Variants in RIMS1 observed in about 807,000 individuals in gnomAD.
The protein encoded by RIMS1 is regulating synaptic membrane exocytosis protein 1.
In RIMS1, 83 loss-of-function variants were observed where a neutral mutation model predicts 214.1. That is an observed-to-expected ratio of 0.39 (90% CI 0.32 to 0.47). The LOEUF is 0.47. Ranked by LOEUF, RIMS1 falls within the 20% of genes least tolerant of loss-of-function variation. The pLI, the probability that RIMS1 is intolerant of heterozygous loss-of-function variation, is 0.99. For synonymous variants in RIMS1, 793 were observed against 786.8 expected, an observed-to-expected ratio of 1.01 and a Z score of -0.13; for missense variants, 2,050 against 2,161.8, an observed-to-expected ratio of 0.95 and a Z score of 1.03.
chr6:71,927,934 T>G (rs1781995950), intron 1 of RIMS1, among the ~76,000 whole-genome samples: 1 of 152,178 alleles, frequency 6.6e-6, no homozygotes, highest in African/African-American at 2.4e-5. Flanking sequence ...ATTTTATGGT[T>G]GAAATCATGG....
intron 1 of RIMS1, among the ~76,000 whole-genome samples, chr6:71,938,735 C>A (rs1228163573): frequency 6.6e-6 from 1 of 152,172 alleles, no homozygotes; most frequent in African/African-American, 2.4e-5. Context: ...ATGGGAGGGG[C>A]AACCTTGAAT....
intron 7 of RIMS1, among the ~76,000 whole-genome samples, chr6:72,235,258 A>G (rs529919840): frequency 6.6e-6 from 1 of 151,998 alleles, no homozygotes; most frequent in African/African-American, 2.4e-5. Context: ...ATTATTAACT[A>G]TAGTCATCCT....
intron 16 of RIMS1, among the ~76,000 whole-genome samples, chr6:72,257,364 A>T (rs1486483724): frequency 6.6e-6 from 1 of 152,104 alleles, no homozygotes; most frequent in Non-Finnish European, 1.5e-5. Flanking sequence ...CTTCAGGGAA[A>T]AAGTGACTGT....
At chr6:72,347,257 G>T (rs2097297118) in intron 29 of RIMS1, among the ~76,000 whole-genome samples, 1 of 151,828 alleles carries the variant, frequency 6.6e-6, no homozygotes, top group African/African-American at 2.4e-5. Context: ...AATTTTCCCA[G>T]TTGGGGGCTC....
intron 2 of RIMS1, among the ~76,000 whole-genome samples, chr6:72,046,085 A>G (rs1007291075): frequency 1.3e-5 from 2 of 152,136 alleles, no homozygotes; most frequent in African/African-American, 4.8e-5. Context: ...ATTTTGCTTC[A>G]CAGATAAGTG....
chr6:72,187,731 A>G lies in RIMS1; in HGVS notation c.1678+4582A>G, dbSNP rs532338387. ...ATGGTCTTGATCTCCTGACCTCGTG[A>G]TCCGCCCACCTCGGCCTCCCAAAGT... On this transcript the variant is annotated intron_variant, in intron 6 of 33. Transcript: ENST00000521978. 2.0e-5 allele frequency among the ~76,000 whole-genome samples: 3 copies of G among 152,158 alleles called. No homozygotes were observed. The East Asian group carries it at 5.8e-4, about 29-fold the overall frequency.
At chr6:71,945,836 G>A (rs1184820212) in intron 1 of RIMS1, among the ~76,000 whole-genome samples, 2 of 149,640 alleles carry the variant, frequency 1.3e-5, no homozygotes, top group East Asian at 2.0e-4. Context: ...TGCAACCTCC[G>A]CTTCCTGGGT....
At position 72,155,555 on chromosome 6, in the gene RIMS1, A is replaced by C. The variant is rs1271291718; in HGVS notation, c.472-24020A>C. Among the ~76,000 whole-genome samples the C allele has an allele frequency of 3.5e-5, 5 of 141,386 alleles. 1 individual carries two copies. The Admixed American group carries it at 3.6e-4, about 10-fold the overall frequency. 92.8% of individuals were successfully genotyped at this position (141,386 alleles called of 152,430 possible). A position where few individuals can be genotyped will look rare whatever the true frequency, so the allele number is the denominator to read the frequency against. On this transcript the variant is annotated intron_variant, in intron 4 of 33. Coordinates refer to ENST00000521978, the MANE Select transcript of RIMS1 (RefSeq NM_014989.7). Reference sequence around the variant, plus strand: ...GCAATTTACAAAAGAAGGAGGTTTAATTGGACTTACAGTTCCACATGGCTG... The same window carrying C: ...GCAATTTACAAAAGAAGGAGGTTTACTTGGACTTACAGTTCCACATGGCTG...
intron 4 of RIMS1, among the ~76,000 whole-genome samples, chr6:72,158,935 A>T (rs1320383043): frequency 7.1e-6 from 1 of 140,422 alleles, no homozygotes; most frequent in African/African-American, 2.5e-5. Flanking sequence ...TGGCTGGGTC[A>T]AATGGTATTT....
chr6:72,077,892 C>T (rs921808275), intron 2 of RIMS1, among the ~76,000 whole-genome samples: 7 of 152,232 alleles, frequency 4.6e-5, no homozygotes, highest in South Asian at 2.1e-4. Flanking sequence ...GGACATTCGA[C>T]GAAACCCTTT....
rs2098810863 is a variant in RIMS1 at position 72,399,056 on chromosome 6, C to T, written c.4822C>T (p.Leu1608=). 1.2e-6 allele frequency: 2 copies of T among 1,608,516 alleles called. No individual in the cohort carries two copies. The highest frequency in any genetic ancestry group is 3.3e-5 in the Admixed American group (2 of 59,818). ...KTLDPLYQQS[L]VFDESPQGKV... is the part of the protein sequence containing the mutation. The stretch of plus-strand genomic sequence containing the variant: ...CCTTGATCCTTTGTATCAGCAGTCT[C>T]TGGTTTTTGATGAAAGTCCACAGGG... The change falls in exon 33 of 34, where the codon CTG becomes TTG. Residue 1608 remains leucine (L), a synonymous_variant. Transcript: ENST00000521978.
chr6:71,913,401 AT>A (rs1429100750), intron 1 of RIMS1, among the ~76,000 whole-genome samples: 2 of 152,260 alleles, frequency 1.3e-5, no homozygotes, highest in East Asian at 3.9e-4. Context: ...TTTATAGACA[AT>A]AATGTTGTTT....
intron 2 of RIMS1, among the ~76,000 whole-genome samples, chr6:71,991,173 C>T (rs920612710): frequency 5.3e-5 from 8 of 151,900 alleles, no homozygotes; most frequent in African/African-American, 1.9e-4. Flanking sequence ...AATATAGTAA[C>T]CACTTTATTT....
rs753676096 is a variant in RIMS1 at position 72,183,029 on chromosome 6, A to C, written c.1558A>C (p.Lys520Gln). Reference protein sequence around the residue: ...RPSPPKPHRSKRGGKKRQMSV... With the variant: ...RPSPPKPHRSQRGGKKRQMSV... ...GTCCCCGCCCAAGCCGCACCGGTCCAAGAGAGGCGGCAAGAAGCGGCAGAT... is the reference window on the plus strand; with the variant it reads ...GTCCCCGCCCAAGCCGCACCGGTCCCAGAGAGGCGGCAAGAAGCGGCAGAT... The change falls in exon 6 of 34, where the codon AAG (lysine) becomes CAG (glutamine). Residue 520 changes from lysine to glutamine, a missense_variant. Lys to Gln is a moderately conservative substitution (Grantham distance 53, BLOSUM62 1). Coordinates refer to ENST00000521978, the MANE Select transcript of RIMS1 (RefSeq NM_014989.7). 1.9e-6 allele frequency: 3 copies of C among 1,601,488 alleles called. No individual in the cohort carries two copies. The highest frequency in any genetic ancestry group is 1.7e-4 in the Middle Eastern group (1 of 6,044).
At chr6:72,235,416 T>A (rs2154091844) in intron 7 of RIMS1, among the ~76,000 whole-genome samples, 1 of 152,176 alleles carries the variant, frequency 6.6e-6, no homozygotes, top group Middle Eastern at 3.4e-3. Flanking sequence ...ACATCAACGT[T>A]TTTTTAGCTT....
At chr6:71,979,340 T>C (rs1230216495) in intron 2 of RIMS1, among the ~76,000 whole-genome samples, 1 of 152,024 alleles carries the variant, frequency 6.6e-6, no homozygotes, top group African/African-American at 2.4e-5. Context: ...ATGATGCTTG[T>C]ACTTGGCTGG....
chr6:72,136,249 CCAG>C (rs2041256225), intron 4 of RIMS1, among the ~76,000 whole-genome samples: 4 of 151,414 alleles, frequency 2.6e-5, no homozygotes, highest in Non-Finnish European at 5.9e-5. Flanking sequence ...AATAGGAGTT[CCAG>C]AAGATGAAAA....
intron 16 of RIMS1, among the ~76,000 whole-genome samples, chr6:72,257,773 C>T (rs1454854018): frequency 6.6e-6 from 1 of 152,094 alleles, no homozygotes; most frequent in African/African-American, 2.4e-5. Context: ...TGTATATTAA[C>T]TATAGTTTCA....
chr6:72,319,580 GT>G (rs1282213851), intron 28 of RIMS1, among the ~76,000 whole-genome samples: 1 of 152,082 alleles, frequency 6.6e-6, no homozygotes, highest in Admixed American at 6.6e-5. Flanking sequence ...TGAATCTTTG[GT>G]TCTGTCAGCT....
Sources: gnomAD v4.1 joint callset for allele counts (sites outside exome capture counted in the v4.1 genomes callset) on GRCh38, gnomAD v4.1.1 for gene constraint, MANE v1.5 for transcripts, NCBI Gene and HGNC (gene_info 2026-07-23, HGNC 2026-07-21) for gene names.